NKD1: variants seen among roughly 807,000 people sequenced by gnomAD.
NKD1 encodes the protein protein naked cuticle homolog 1.
Under a neutral mutation model 56.0 loss-of-function variants are expected in NKD1, and 21 were observed. The observed-to-expected ratio is 0.38, with a 90% CI of 0.27 to 0.54. The LOEUF is 0.54. Among genes scored for constraint, NKD1 ranks in the 20% least tolerant of loss-of-function variants. The pLI, the probability that NKD1 is intolerant of heterozygous loss-of-function variation, is 0.82. For synonymous variants in NKD1, 263 were observed against 265.7 expected, an observed-to-expected ratio of 0.99 and a Z score of 0.10; for missense variants, 578 against 642.7, an observed-to-expected ratio of 0.90 and a Z score of 1.09.
intron 3 of NKD1, chr16:50,574,715 G>A: frequency 1.0e-6 from 1 of 985,458 alleles, no homozygotes; most frequent in South Asian, 4.7e-5. Flanking sequence ...CTCTGAGGGA[G>A]GCGCTTGGGT....
At chr16:50,571,491 G>A (rs889539883) in intron 3 of NKD1, 9 of 985,200 alleles carry the variant, frequency 9.1e-6, no homozygotes, top group Middle Eastern at 5.2e-4. Context: ...ACAGCCTGTC[G>A]GAAGCAGCCT....
At chr16:50,592,811 G>A (rs1347968061) in intron 3 of NKD1, among the ~76,000 whole-genome samples, 1 of 152,022 alleles carries the variant, frequency 6.6e-6, no homozygotes, top group African/African-American at 2.4e-5. Flanking sequence ...GGCATGGGCT[G>A]TGGGGGAGGG....
At chr16:50,608,425 C>G (rs1024093313) in intron 4 of NKD1, 65 bp downstream of exon 4, 8 of 1,082,972 alleles carry the variant, frequency 7.4e-6, no homozygotes, top group Non-Finnish European at 1.1e-5. Flanking sequence ...TTCAGCTGGC[C>G]GTGTGCCCTG....
chr16:50,630,367 G>A (rs367696058), intron 7 of NKD1, 34 bp downstream of exon 7: 346 of 1,610,792 alleles, frequency 2.1e-4, no homozygotes, highest in Non-Finnish European at 2.7e-4. Context: ...GGGAAACAAT[G>A]TCCTCCCATC....
At chr16:50,556,275 G>A (rs371857304) in intron 3 of NKD1, 26 of 152,278 alleles carry the variant, frequency 1.7e-4, no homozygotes, top group African/African-American at 5.8e-4. Flanking sequence ...GCCCAGGTGG[G>A]GTGGAGAACC....
chr16:50,633,636 G>A lies in NKD1; in HGVS notation c.1268G>A (p.Gly423Asp). Reference sequence around the variant, plus strand: ...GGCCTGCAGGCACCACTGGCCTCAGGTGGCCCTGTCCTGGGGCGGGAGCAC... The same window carrying A: ...GGCCTGCAGGCACCACTGGCCTCAGATGGCCCTGTCCTGGGGCGGGAGCAC... ...CRGLQAPLASGGPVLGREHLR... is the reference protein window; with the variant it reads ...CRGLQAPLASDGPVLGREHLR... Residue 423 changes from glycine to aspartate, a missense_variant, in exon 10 of 10, where the codon GGT becomes GAT. Transcript: ENST00000268459. The surrounding 1 kb of genome is among the most constrained non-coding windows in gnomAD (Gnocchi z 4.9). The A allele has an allele frequency of 1.2e-6, 2 of 1,608,594 alleles. No homozygotes were observed. Among genetic ancestry groups the A allele is most frequent in the Non-Finnish European group, 1.7e-6 (2 of 1,178,164 alleles).
chr16:50,606,602 C>G, intron 3 of NKD1: 2 of 365,848 alleles, frequency 5.5e-6, no homozygotes, highest in Non-Finnish European at 1.1e-5. Flanking sequence ...GGGTCCCACA[C>G]GGCTGCCTTG....
At chr16:50,615,872 A>G (rs1186888851) in intron 4 of NKD1, among the ~76,000 whole-genome samples, 1 of 152,234 alleles carries the variant, frequency 6.6e-6, no homozygotes, top group African/African-American at 2.4e-5. Flanking sequence ...TTACAAACAG[A>G]GGTGGGATCG....
chr16:50,586,608 G>C (rs1447814126), intron 3 of NKD1, among the ~76,000 whole-genome samples: 1 of 152,174 alleles, frequency 6.6e-6, no homozygotes, highest in Admixed American at 6.5e-5. Context: ...GGCAGCTTTT[G>C]GTGGGGAATG....
chr16:50,570,680 C>A (rs1412819183), intron 3 of NKD1: 1 of 258,856 alleles, frequency 3.9e-6, no homozygotes, highest in Non-Finnish European at 6.0e-6. Flanking sequence ...CCACAGAAAG[C>A]AGGTGATACG....
intron 3 of NKD1, among the ~76,000 whole-genome samples, chr16:50,602,271 G>C (rs959494984): frequency 1.3e-5 from 2 of 152,172 alleles, no homozygotes; most frequent in South Asian, 2.1e-4. Flanking sequence ...TGTTTCCTGG[G>C]TATAGCCCTA....
intron 4 of NKD1, among the ~76,000 whole-genome samples, chr16:50,617,132 C>T (rs1961978924): frequency 6.6e-6 from 1 of 152,212 alleles, no homozygotes; most frequent in South Asian, 2.1e-4. Context: ...CCAGGGTAAA[C>T]AGTCCCGAGT....
At position 50,634,327 on chromosome 16, in the gene NKD1, A is replaced by G. The variant is rs1329723310; in HGVS notation, c.*546A>G. ...CTGTTGTGTTTTTATGTCCCAACCT[A>G]GAAACCTTAGCTGTCTTTTCTGGAG... On this transcript the variant is annotated 3_prime_UTR_variant, in exon 10 of 10. Transcript: ENST00000268459. The G allele has an allele frequency of 1.3e-5, 2 of 152,794 alleles. No individual in the cohort carries two copies. Among genetic ancestry groups the G allele is most frequent in the Non-Finnish European group, 2.9e-5 (2 of 68,068 alleles). The allele number at this position is 152,794 out of a possible 1,614,324, so 9.5% of individuals were successfully genotyped here.
At chr16:50,561,505 GCA>G (rs1960632804) in intron 3 of NKD1, among the ~76,000 whole-genome samples, 1 of 152,048 alleles carries the variant, frequency 6.6e-6, no homozygotes, top group Non-Finnish European at 1.5e-5. Context: ...GCTCCATGTA[GCA>G]CAGTTAGGGT....
intron 3 of NKD1, among the ~76,000 whole-genome samples, chr16:50,566,544 G>A (rs956629750): frequency 1.7e-4 from 26 of 151,452 alleles, no homozygotes; most frequent in Admixed American, 3.3e-4. Context: ...CCCCGTCCCC[G>A]CATCCCTTGA....
chr16:50,625,471 C>T lies in NKD1; in HGVS notation c.367-14C>T, dbSNP rs1447232608. On this transcript the variant is annotated splice_polypyrimidine_tract_variant and intron_variant, in intron 5 of 9. Transcript: ENST00000268459. Reference sequence around the variant, plus strand: ...CAGATAGGGGACCAGCCCCGCCCATCTCTCTGCATCCAGGAGCTCCAGTGC... The same window carrying T: ...CAGATAGGGGACCAGCCCCGCCCATTTCTCTGCATCCAGGAGCTCCAGTGC... The T allele has an allele frequency of 1.9e-6, 3 of 1,589,626 alleles. No individual in the cohort carries two copies. Among genetic ancestry groups the T allele is most frequent in the Non-Finnish European group, 2.6e-6 (3 of 1,158,424 alleles).
At chr16:50,576,624 G>A (rs1012639719) in intron 3 of NKD1, among the ~76,000 whole-genome samples, 1 of 152,088 alleles carries the variant, frequency 6.6e-6, no homozygotes, top group African/African-American at 2.4e-5. Flanking sequence ...GAGATTGTGG[G>A]TATGCCTGTG....
chr16:50,572,659 A>G (rs1324431274), intron 3 of NKD1, among the ~76,000 whole-genome samples: 1 of 152,174 alleles, frequency 6.6e-6, no homozygotes, highest in Non-Finnish European at 1.5e-5. Context: ...TCTGGGAATC[A>G]GAGAAATCCT....
intron 3 of NKD1, among the ~76,000 whole-genome samples, chr16:50,583,262 G>C (rs1596719924): frequency 1.3e-5 from 2 of 152,182 alleles, no homozygotes; most frequent in South Asian, 4.1e-4. Context: ...GCTTTTGAGA[G>C]CCCCAAGCTG....
Sources: allele counts gnomAD v4.1 joint callset (sites outside exome capture counted in the v4.1 genomes callset), GRCh38; gene constraint gnomAD v4.1.1; non-coding constraint Gnocchi (gnomAD v3.1); transcripts MANE v1.5; gene names NCBI Gene and HGNC (gene_info 2026-07-23, HGNC 2026-07-21).